PLEKHM3: variants seen among roughly 807,000 people sequenced by gnomAD.
The protein encoded by PLEKHM3 is pleckstrin homology domain-containing family M member 3.
PLEKHM3 carries 45 observed loss-of-function variants against 81.8 expected under a neutral mutation model. The ratio of observed to expected loss-of-function variants is 0.55; its 90% CI spans 0.43 to 0.71. The LOEUF is 0.71. Among genes scored for constraint, PLEKHM3 ranks in the 30% least tolerant of loss-of-function variants. PLEKHM3 has a pLI of 0.00. For synonymous variants in PLEKHM3, 352 were observed against 356.4 expected (o/e 0.99, Z 0.14); for missense variants, 788 against 924.3 (o/e 0.85, Z 1.91).
chr2:208,018,729 G>C (rs1326299205), intron 1 of PLEKHM3, among the ~76,000 whole-genome samples: 1 of 152,098 alleles, frequency 6.6e-6, no homozygotes, highest in African/African-American at 2.4e-5. Context: ...CAACCAAAAT[G>C]TTCTTTCCAA....
intron 1 of PLEKHM3, among the ~76,000 whole-genome samples, chr2:208,017,994 C>A (rs748045754): frequency 4.6e-5 from 7 of 152,126 alleles, no homozygotes; most frequent in Non-Finnish European, 8.8e-5. Flanking sequence ...TGCCCATAAC[C>A]CTCTTATCTA....
At chr2:207,904,389 C>T (rs1307302353) in intron 6 of PLEKHM3, among the ~76,000 whole-genome samples, 7 of 152,122 alleles carry the variant, frequency 4.6e-5, no homozygotes, top group South Asian at 2.1e-4. Context: ...TCTTCCTTGG[C>T]CCTGCTACTA....
At position 207,822,358 on chromosome 2, in the gene PLEKHM3, G is replaced by A. The variant is rs1376936850; in HGVS notation, c.*5961C>T. On this transcript the variant is annotated 3_prime_UTR_variant, in exon 8 of 8. Transcript: ENST00000427836. ...CTTGTGTTTGTGTAATTTTGAACCT[G>A]AAAAGGCTAAGTTCACTGACTTTAC... 6.5e-6 allele frequency: 1 copy of A among 152,698 alleles called. No individual in the cohort carries two copies. Among genetic ancestry groups the A allele is most frequent in the Non-Finnish European group, 1.5e-5 (1 of 68,050 alleles). The allele number at this position is 152,698 out of a possible 1,614,324, so 9.5% of individuals were successfully genotyped here.
chr2:207,951,095 A>T (rs1057069373), intron 3 of PLEKHM3, among the ~76,000 whole-genome samples: 1 of 152,346 alleles, frequency 6.6e-6, no homozygotes. Context: ...TCAGAGTAGC[A>T]AATCATGGAC....
intron 3 of PLEKHM3, among the ~76,000 whole-genome samples, chr2:207,950,990 C>T (rs975578547): frequency 5.3e-5 from 8 of 152,130 alleles, no homozygotes; most frequent in African/African-American, 1.4e-4. Flanking sequence ...AGTTAGTGGC[C>T]TGATGTAGAT....
At position 207,824,685 on chromosome 2, in the gene PLEKHM3, G is replaced by A. The variant is rs2092238719; in HGVS notation, c.*3634C>T. On this transcript the variant is annotated 3_prime_UTR_variant, in exon 8 of 8. Transcript: ENST00000427836. ...CAGAAAAGAACTATCCGATGTCCAC[G>A]TTCAGTGTGTACACACAACACACAG... 1.3e-5 allele frequency: 2 copies of A among 152,232 alleles called. No homozygotes were observed. Among genetic ancestry groups the A allele is most frequent in the Non-Finnish European group, 2.9e-5 (2 of 68,056 alleles). 9.4% of individuals were successfully genotyped at this position (152,232 alleles called of 1,614,324 possible).
rs561629370 is a variant in PLEKHM3 at position 207,827,083 on chromosome 2, T to C, written c.*1236A>G. The C allele has an allele frequency of 6.6e-6, 1 of 152,042 alleles. No individual in the cohort carries two copies. Among genetic ancestry groups the C allele is most frequent in the African/African-American group, 2.4e-5 (1 of 41,522 alleles). The allele number at this position is 152,042 out of a possible 1,614,324, so 9.4% of individuals were successfully genotyped here. A position where few individuals can be genotyped will look rare whatever the true frequency, so the allele number is the denominator to read the frequency against. The stretch of plus-strand genomic sequence containing the variant: ...TTTACTTCAAGGTGGCAATTATATA[T>C]GTGTGTGTATATATATATATTTATT... On this transcript the variant is annotated 3_prime_UTR_variant, in exon 8 of 8. Coordinates refer to ENST00000427836, the MANE Select transcript of PLEKHM3 (RefSeq NM_001080475.3).
intron 7 of PLEKHM3, among the ~76,000 whole-genome samples, chr2:207,834,737 T>G (rs2092308995): frequency 6.6e-6 from 1 of 151,930 alleles, no homozygotes; most frequent in South Asian, 2.1e-4. Context: ...ACTTTTCAAT[T>G]CTACCTAAAA....
At chr2:207,940,966 C>T (rs180863242) in intron 4 of PLEKHM3, among the ~76,000 whole-genome samples, 1 of 152,152 alleles carries the variant, frequency 6.6e-6, no homozygotes, top group Non-Finnish European at 1.5e-5. Context: ...TATTTCATAA[C>T]TTCATTTTTC....
chr2:207,837,095 T>C lies in PLEKHM3; in HGVS notation c.2109-8599A>G, dbSNP rs561808425. 2.0e-5 allele frequency among the ~76,000 whole-genome samples: 3 copies of C among 152,364 alleles called. No homozygotes were observed. In the East Asian group the frequency reaches 5.8e-4, roughly 29 times the overall value. ...TCTCTTAGCTAAGGAGGGTAGTTAC[T>C]GGATCCTGGTTATTTAAATGTTTTG... On this transcript the variant is annotated intron_variant, in intron 7 of 7. Coordinates refer to ENST00000427836, the MANE Select transcript of PLEKHM3 (RefSeq NM_001080475.3).
At position 207,987,101 on chromosome 2, in the gene PLEKHM3, C is replaced by T. The variant is rs562308494; in HGVS notation, c.611-9515G>A. Among the ~76,000 whole-genome samples, 7 of 152,264 alleles carry T rather than the reference C, an allele frequency of 4.6e-5. No individual in the cohort carries two copies. The South Asian group carries it at 8.3e-4, about 18-fold the overall frequency. On this transcript the variant is annotated intron_variant, in intron 2 of 7. Transcript: ENST00000427836. ...AATACAAATAATCTGTATTCAACTG[C>T]TACTTTCTCTTGTCTTTTAGGCCCC...
Position 207,977,038 on chromosome 2 carries a change from C to A in PLEKHM3, c.1159G>T (p.Ala387Ser). The A allele has an allele frequency of 6.2e-7, 1 of 1,614,218 alleles. No homozygotes were observed. Among genetic ancestry groups the A allele is most frequent in the East Asian group, 2.2e-5 (1 of 44,888 alleles). The change falls in exon 3 of 8, where the codon GCT becomes TCT. Residue 387 changes from alanine (A) to serine (S), a missense_variant. Ala to Ser is a moderately conservative substitution (Grantham distance 99, BLOSUM62 1). Transcript: ENST00000427836. Reference protein sequence around the residue: ...WKAFTFVLSRAYLMAFQPGKL... With the variant: ...WKAFTFVLSRSYLMAFQPGKL... ...CCAGGCTGAAAAGCCATAAGGTAAG[C>A]CCTGCTCAGCACAAATGTAAATGCC...
intron 1 of PLEKHM3, among the ~76,000 whole-genome samples, chr2:208,024,768 T>C (rs948991851): frequency 2.0e-5 from 3 of 152,218 alleles, no homozygotes; most frequent in African/African-American, 7.2e-5. Flanking sequence ...CATGGCTCAA[T>C]CTCAGTTTAA....
chr2:207,989,544 T>G (rs1691830503), intron 2 of PLEKHM3, among the ~76,000 whole-genome samples: 1 of 152,172 alleles, frequency 6.6e-6, no homozygotes, highest in South Asian at 2.1e-4. Flanking sequence ...AGTCCCACTT[T>G]CTCTTTATTG....
In PLEKHM3 at chr2:207,860,811, C is replaced by T. The variant is rs569279218; in HGVS notation, c.2108+294G>A. Among the ~76,000 whole-genome samples the T allele has an allele frequency of 5.3e-4, 80 of 152,270 alleles. 1 individual carries two copies. Among genetic ancestry groups the T allele is most frequent in the African/African-American group, 1.5e-3 (63 of 41,560 alleles). On this transcript the variant is annotated intron_variant, in intron 7 of 7. Coordinates refer to ENST00000427836, the MANE Select transcript of PLEKHM3 (RefSeq NM_001080475.3). ...TGAAAAAATTATTAAGATGCTTCCT[C>T]CCCAGTCTTCATTCTAAAATTGAAC...
chr2:208,020,724 T>G (rs1216725669), intron 1 of PLEKHM3, among the ~76,000 whole-genome samples: 1 of 152,206 alleles, frequency 6.6e-6, no homozygotes, highest in Admixed American at 6.5e-5. Flanking sequence ...AAAAACTCCT[T>G]GCTAGATATC....
chr2:207,886,273 A>G (rs1284964745), intron 6 of PLEKHM3, among the ~76,000 whole-genome samples: 1 of 152,198 alleles, frequency 6.6e-6, no homozygotes, highest in African/African-American at 2.4e-5. Context: ...AATCTTTGTA[A>G]TATGAGCCCA....
rs1303605315 is a variant in PLEKHM3 at position 208,001,588 on chromosome 2, C to G, written c.52G>C (p.Glu18Gln). 5.6e-6 allele frequency: 9 copies of G among 1,614,176 alleles called. No homozygotes were observed. Among genetic ancestry groups the G allele is most frequent in the Non-Finnish European group, 7.6e-6 (9 of 1,180,026 alleles). Residue 18 changes from glutamate to glutamine, a missense_variant, in exon 2 of 8, where the codon GAA becomes CAA. Glu to Gln is a conservative substitution (Grantham distance 29). Transcript: ENST00000427836. ...TTACTATCCAAAGTACTAAAGAATTCCTCCGTAACTTCTAAGGCTGGGCTG... is the reference window on the plus strand; with the variant it reads ...TTACTATCCAAAGTACTAAAGAATTGCTCCGTAACTTCTAAGGCTGGGCTG... ...DISPALEVTE[E>Q]FFSTLDSNLE...
At chr2:207,975,776 T>C (rs938377357) in intron 3 of PLEKHM3, among the ~76,000 whole-genome samples, 4 of 151,802 alleles carry the variant, frequency 2.6e-5, no homozygotes, top group Admixed American at 6.6e-5. Flanking sequence ...TTTGCACTTT[T>C]AGTAGAGATG....
Sources: allele counts gnomAD v4.1 joint callset (sites outside exome capture counted in the v4.1 genomes callset), GRCh38; gene constraint gnomAD v4.1.1; transcripts MANE v1.5; gene names NCBI Gene and HGNC (gene_info 2026-07-23, HGNC 2026-07-21).